The following STMN4 variants were observed in gnomAD, a reference collection of about 807,000 sequenced individuals.
The protein encoded by STMN4 is stathmin 4.
In STMN4, 12 loss-of-function variants were observed where a neutral mutation model predicts 29.1. The observed-to-expected ratio is 0.41, with a 90% CI of 0.26 to 0.67. The LOEUF (loss-of-function observed/expected upper bound fraction) is 0.67, where lower values mean the gene tolerates loss of function less well. Among genes scored for constraint, STMN4 ranks in the 30% least tolerant of loss-of-function variants. The probability of loss-of-function intolerance (pLI) is 0.30; values close to 1 mark genes in which losing one functional copy is unlikely to be tolerated. For missense variants in STMN4, 181 were observed against 262.8 expected, an observed-to-expected ratio of 0.69 and a Z score of 2.15; for synonymous variants, 114 against 105.3, an observed-to-expected ratio of 1.08 and a Z score of -0.51.
At chr8:27,251,430 G>T (rs187474371) in intron 1 of STMN4, among the ~76,000 whole-genome samples, 3 of 151,668 alleles carry the variant, frequency 2.0e-5, no homozygotes, top group African/African-American at 7.3e-5. Context: ...AGTGTGCAAG[G>T]CATGTGACCC....
Position 27,241,252 on chromosome 8 carries a change from C to T in STMN4, c.201G>A (p.Val67=), listed in dbSNP as rs764333326. 6 of 1,614,182 alleles carry T rather than the reference C, an allele frequency of 3.7e-6. No homozygotes were observed. The highest frequency in any genetic ancestry group is 5.1e-6 in the Non-Finnish European group (6 of 1,180,034). Residue 67 remains valine, a synonymous_variant, in exon 5 of 7, where the codon GTG becomes GTA. Transcript: ENST00000350889. ...WRERRAQADT[V]DLNWCVISDM... ...CGGAAATGACGCACCAATTCAGGTC[C>T]ACCGTGTCTGCTACAGAGGGCAGAG...
chr8:27,249,121 A>G (rs2130127670), intron 1 of STMN4, among the ~76,000 whole-genome samples: 1 of 152,334 alleles, frequency 6.6e-6, no homozygotes, highest in South Asian at 2.1e-4. Context: ...GCCAGCCGTA[A>G]GGAAACACAG....
In STMN4 at chr8:27,235,814, T is replaced by G. The variant is rs1295456976; in HGVS notation, c.*1032A>C. The G allele has an allele frequency of 6.6e-6, 1 of 152,524 alleles. No homozygotes were observed. Among genetic ancestry groups the G allele is most frequent in the African/African-American group, 2.4e-5 (1 of 41,442 alleles). The allele number at this position is 152,524 out of a possible 1,614,324, so 9.4% of individuals were successfully genotyped here. On this transcript the variant is annotated 3_prime_UTR_variant, in exon 7 of 7. Transcript: ENST00000350889. The stretch of plus-strand genomic sequence containing the variant: ...GTGAGGATGCAGCAAAAAGGCATCA[T>G]CTTTGAAGCAGATGGCAAGCCCTCA...
chr8:27,255,993 T>A (rs766427596), intron 1 of STMN4, among the ~76,000 whole-genome samples: 10 of 148,932 alleles, frequency 6.7e-5, no homozygotes, highest in South Asian at 2.1e-4. Flanking sequence ...TAAAAAAAAA[T>A]ATTTAGATTT....
At chr8:27,238,405 A>T (rs1005136779) in intron 6 of STMN4, among the ~76,000 whole-genome samples, 1 of 152,204 alleles carries the variant, frequency 6.6e-6, no homozygotes, top group Non-Finnish European at 1.5e-5. Context: ...TCCCAAAGGG[A>T]TGCTGCCCCC....
At chr8:27,253,073 C>T (rs1801838420) in intron 1 of STMN4, among the ~76,000 whole-genome samples, 1 of 152,192 alleles carries the variant, frequency 6.6e-6, no homozygotes, top group Admixed American at 6.5e-5. Flanking sequence ...ATTCTGCAGT[C>T]CCAGAGTTAG....
chr8:27,252,943 G>T (rs1377403095), intron 1 of STMN4, among the ~76,000 whole-genome samples: 1 of 152,162 alleles, frequency 6.6e-6, no homozygotes, highest in African/African-American at 2.4e-5. Context: ...TTGCCTCAGA[G>T]AGTCCCTGTT....
chr8:27,254,011 G>A (rs920983324), intron 1 of STMN4, among the ~76,000 whole-genome samples: 2 of 152,222 alleles, frequency 1.3e-5, no homozygotes, highest in Non-Finnish European at 2.9e-5. Context: ...TTGAATTCCC[G>A]ACCTCAAACG....
chr8:27,243,490 A>ACACCC (rs1176559303), intron 2 of STMN4, among the ~76,000 whole-genome samples: 8 of 151,816 alleles, frequency 5.3e-5, no homozygotes, highest in Admixed American at 5.2e-4. Context: ...CAGCTGTGAC[A>ACACCC]CACCCCCCAC....
intron 6 of STMN4, among the ~76,000 whole-genome samples, chr8:27,237,949 C>T (rs1382072085): frequency 1.3e-5 from 2 of 152,154 alleles, no homozygotes; most frequent in Non-Finnish European, 2.9e-5. Context: ...CAATGTTGTC[C>T]CTCCCAGAGC....
Position 27,243,773 on chromosome 8 carries a change from T to C in STMN4, c.-50A>G. The stretch of plus-strand genomic sequence containing the variant: ...CTAGCTGAAAGTTACAGAGTGGGTC[T>C]GTCACCAGCTTGGGACGCTGTCACC... On this transcript the variant is annotated 5_prime_UTR_variant, in exon 2 of 7. Coordinates refer to ENST00000350889, the MANE Select transcript of STMN4 (RefSeq NM_030795.4). The C allele has an allele frequency of 1.9e-6, 3 of 1,614,154 alleles. No individual in the cohort carries two copies. The highest frequency in any genetic ancestry group is 2.5e-6 in the Non-Finnish European group (3 of 1,180,006).
chr8:27,241,896 C>T, intron 3 of STMN4, 139 bp from the exon 4 acceptor site: 1 of 887,386 alleles, frequency 1.1e-6, no homozygotes, highest in Non-Finnish European at 1.8e-6. Context: ...GACGTGGCCA[C>T]CCAGTGCTCC....
At chr8:27,254,645 G>C (rs1224635163) in intron 1 of STMN4, among the ~76,000 whole-genome samples, 6 of 146,196 alleles carry the variant, frequency 4.1e-5, no homozygotes, top group Non-Finnish European at 6.0e-5. Flanking sequence ...TAGGGGGTGG[G>C]GTGGGAGTGT....
At chr8:27,238,027 G>A (rs1485502163) in intron 6 of STMN4, among the ~76,000 whole-genome samples, 3 of 152,148 alleles carry the variant, frequency 2.0e-5, no homozygotes, top group African/African-American at 7.2e-5. Flanking sequence ...CAGGTTTTCA[G>A]GATAAACTAT....
chr8:27,248,097 G>A (rs982999181), intron 1 of STMN4, among the ~76,000 whole-genome samples: 1 of 152,198 alleles, frequency 6.6e-6, no homozygotes, highest in Admixed American at 6.5e-5. Context: ...CCTGCCTGGT[G>A]GTCACTGTCA....
chr8:27,252,055 G>T (rs780023689), intron 1 of STMN4, among the ~76,000 whole-genome samples: 7 of 151,558 alleles, frequency 4.6e-5, no homozygotes, highest in Non-Finnish European at 8.8e-5. Flanking sequence ...GTGAGAATAT[G>T]CAGTGTTTGG....
chr8:27,242,780 C>G (rs570301031), intron 2 of STMN4, among the ~76,000 whole-genome samples: 3 of 152,294 alleles, frequency 2.0e-5, no homozygotes, highest in African/African-American at 7.2e-5. Context: ...AAGCAAAATG[C>G]CCTCATGGAA....
chr8:27,242,171 C>T, intron 3 of STMN4: 1 of 587,054 alleles, frequency 1.7e-6, no homozygotes, highest in Non-Finnish European at 3.0e-6. Context: ...AGATCGAGTG[C>T]ACTCTGGGGG....
At chr8:27,240,205 G>A in intron 5 of STMN4, 43 bp from the exon 6 acceptor site, 4 of 1,583,332 alleles carry the variant, frequency 2.5e-6, no homozygotes, top group Non-Finnish European at 3.4e-6. Flanking sequence ...CACAGTGAGT[G>A]TGCCAGGGTT....
Sources: allele counts gnomAD v4.1 joint callset (sites outside exome capture counted in the v4.1 genomes callset), GRCh38; gene constraint gnomAD v4.1.1; transcripts MANE v1.5; gene names NCBI Gene and HGNC (gene_info 2026-07-23, HGNC 2026-07-21).